DIP2C: variants seen among roughly 807,000 people sequenced by gnomAD.
DIP2C encodes DIP2 acetate--CoA ligase C (putative), also known as disco-interacting protein 2 homolog C.
DIP2C carries 33 observed loss-of-function variants against 192.4 expected under a neutral mutation model. The observed-to-expected ratio is 0.17, with a 90% CI of 0.13 to 0.23. The LOEUF is 0.23. DIP2C is among the 10% of genes least tolerant of loss of function. The pLI is 1.00. For missense variants in DIP2C, 1,537 were observed against 2,110.1 expected, an observed-to-expected ratio of 0.73 and a Z score of 5.32; for synonymous variants, 979 against 864.1, an observed-to-expected ratio of 1.13 and a Z score of -2.33.
intron 3 of DIP2C, among the ~76,000 whole-genome samples, chr10:454,442 A>C: frequency 6.6e-6 from 1 of 152,192 alleles, no homozygotes; most frequent in East Asian, 1.9e-4. Context: ...CCCCTCAGAG[A>C]AAGAGGTAGT....
intron 1 of DIP2C, among the ~76,000 whole-genome samples, chr10:596,776 T>C (rs899495896): frequency 6.6e-6 from 1 of 152,148 alleles, no homozygotes; most frequent in Admixed American, 6.5e-5. Flanking sequence ...AAGGAGCCAT[T>C]GGTGGCATCA....
At chr10:462,376 C>T (rs1969860606) in intron 3 of DIP2C, among the ~76,000 whole-genome samples, 1 of 151,916 alleles carries the variant, frequency 6.6e-6, no homozygotes. Flanking sequence ...ATACAAACTA[C>T]CAGAGAATAC....
rs189082908 is a variant in DIP2C at position 496,785 on chromosome 10, T to C, written c.86-10255A>G. Among the ~76,000 whole-genome samples the C allele has an allele frequency of 2.5e-3, 377 of 149,162 alleles. 1 individual carries two copies. The highest frequency in any genetic ancestry group is 8.8e-3 in the African/African-American group (356 of 40,468). On this transcript the variant is annotated intron_variant, in intron 1 of 36. Transcript: ENST00000280886. ...ACATTACTCGCAATACTCCAAACAA[T>C]GTGAGTGCTGAGTGCACAGAACCCA...
intron 31 of DIP2C, among the ~76,000 whole-genome samples, chr10:311,024 AG>A (rs1300907730): frequency 2.6e-5 from 4 of 152,048 alleles, no homozygotes; most frequent in African/African-American, 4.8e-5. Context: ...CTTATATATA[AG>A]AAAAAAAAAA....
chr10:572,915 C>T (rs556143783), intron 1 of DIP2C, among the ~76,000 whole-genome samples: 3 of 152,256 alleles, frequency 2.0e-5, no homozygotes, highest in African/African-American at 7.2e-5. Flanking sequence ...ATTGCCATCT[C>T]GCAGAGAGAG....
intron 1 of DIP2C, among the ~76,000 whole-genome samples, chr10:620,210 G>A (rs1429362764): frequency 6.6e-6 from 1 of 152,142 alleles, no homozygotes; most frequent in Non-Finnish European, 1.5e-5. Context: ...CAATTTTTAT[G>A]GCTTTTTTCT....
chr10:452,090 G>A (rs147285130), intron 3 of DIP2C, among the ~76,000 whole-genome samples: 3 of 152,278 alleles, frequency 2.0e-5, no homozygotes, highest in East Asian at 1.9e-4. Flanking sequence ...CGGGTAACAC[G>A]AGCAGGAGGG....
chr10:544,456 T>C (rs1848174925), intron 1 of DIP2C, among the ~76,000 whole-genome samples: 1 of 152,206 alleles, frequency 6.6e-6, no homozygotes, highest in Admixed American at 6.5e-5. Flanking sequence ...TGCCTGGGAG[T>C]GAAATTGCTG....
At chr10:607,572 A>C (rs1427574567) in intron 1 of DIP2C, among the ~76,000 whole-genome samples, 1 of 152,206 alleles carries the variant, frequency 6.6e-6, no homozygotes, top group East Asian at 1.9e-4. Flanking sequence ...ACCCAGCATA[A>C]GCTGAAAATA....
chr10:389,022 G>T (rs1305592583), intron 13 of DIP2C, among the ~76,000 whole-genome samples: 3 of 151,200 alleles, frequency 2.0e-5, no homozygotes, highest in Non-Finnish European at 4.4e-5. Flanking sequence ...GGATTCTCTG[G>T]GGGTTCTCTG....
At chr10:580,868 T>G (rs1304613460) in intron 1 of DIP2C, among the ~76,000 whole-genome samples, 1 of 152,164 alleles carries the variant, frequency 6.6e-6, no homozygotes. Flanking sequence ...GACTGTGGAG[T>G]TCAGAGGTTT....
At chr10:551,142 A>G (rs1848563885) in intron 1 of DIP2C, among the ~76,000 whole-genome samples, 1 of 152,158 alleles carries the variant, frequency 6.6e-6, no homozygotes, top group Non-Finnish European at 1.5e-5. Flanking sequence ...TGGTAGAGGC[A>G]GCCTCTGAGC....
intron 1 of DIP2C, chr10:630,664 G>A (rs985223006): frequency 6.6e-5 from 10 of 152,296 alleles, no homozygotes; most frequent in South Asian, 6.2e-4. Flanking sequence ...CAAGGGCTGC[G>A]TCCCGGGGCC....
intron 1 of DIP2C, among the ~76,000 whole-genome samples, chr10:643,847 G>A (rs973585162): frequency 3.9e-5 from 6 of 152,224 alleles, no homozygotes; most frequent in African/African-American, 1.4e-4. Context: ...TCCACCTGAG[G>A]GTGGAGTGAA....
At chr10:356,389 A>G (rs1290182958) in intron 24 of DIP2C, 37 bp downstream of exon 24, 1 of 1,607,130 alleles carries the variant, frequency 6.2e-7, no homozygotes, top group African/African-American at 1.3e-5. Context: ...AGGCCCCTTG[A>G]GGCCAGTAGC....
At chr10:669,013 GCT>G (rs1166121312) in intron 1 of DIP2C, 1 of 152,138 alleles carries the variant, frequency 6.6e-6, no homozygotes, top group Non-Finnish European at 1.5e-5. Context: ...GCAGAGCTCT[GCT>G]TCAATTACTT....
chr10:484,921 C>A, intron 2 of DIP2C: 2 of 1,611,372 alleles, frequency 1.2e-6, no homozygotes, highest in Non-Finnish European at 1.7e-6. Flanking sequence ...CTGCAGTCTA[C>A]ACCGAACCAC....
chr10:369,448 G>A (rs774791127), intron 18 of DIP2C, 46 bp downstream of exon 18: 16 of 1,484,000 alleles, frequency 1.1e-5, no homozygotes, highest in Non-Finnish European at 1.3e-5. Context: ...TGTTAGAAAA[G>A]CATTTAATAA....
At chr10:384,756 T>C (rs1962731976) in intron 14 of DIP2C, 117 bp from the exon 15 acceptor site, 5 of 970,348 alleles carry the variant, frequency 5.2e-6, no homozygotes, top group Non-Finnish European at 7.9e-6. Flanking sequence ...CAGGGAGCGC[T>C]GCAGACACCA....
Sources: gnomAD v4.1 joint callset for allele counts (sites outside exome capture counted in the v4.1 genomes callset) on GRCh38, gnomAD v4.1.1 for gene constraint, MANE v1.5 for transcripts, NCBI Gene and HGNC (gene_info 2026-07-23, HGNC 2026-07-21) for gene names.